The following APOC3 variants were observed in gnomAD, a reference collection of about 807,000 sequenced individuals.
APOC3 encodes apolipoprotein C3, also known as apolipoprotein C-III.
Under a neutral mutation model 7.3 loss-of-function variants are expected in APOC3, and 6 were observed. That is an observed-to-expected ratio of 0.82 (90% CI 0.45 to 1.61). APOC3 has a LOEUF of 1.61. Ranked by LOEUF, APOC3 falls within the 40% of genes most tolerant of loss-of-function variation. APOC3 has a pLI of 0.01. For synonymous variants in APOC3, 45 were observed against 51.2 expected, an observed-to-expected ratio of 0.88 and a Z score of 0.52; for missense variants, 123 against 124.9, an observed-to-expected ratio of 0.98 and a Z score of 0.07.
In APOC3 at chr11:116,832,813, G is replaced by C. The variant is rs754898637; in HGVS notation, c.229G>C (p.Val77Leu). Residue 77 changes from valine (V) to leucine (L), a missense_variant, in exon 4 of 4, where the codon GTT (valine) becomes CTT (leucine). By Grantham distance (32) the Val-to-Leu change is conservative (BLOSUM62 1). Transcript: ENST00000227667. Reference sequence around the variant, plus strand: ...TTCCCTGAAAGACTACTGGAGCACCGTTAAGGACAAGTTCTCTGAGTTCTG... The same window carrying C: ...TTCCCTGAAAGACTACTGGAGCACCCTTAAGGACAAGTTCTCTGAGTTCTG... ...FSSLKDYWST[V>L]KDKFSEFWDL... 6.2e-7 allele frequency: 1 copy of C among 1,614,120 alleles called. No homozygotes were observed. Among genetic ancestry groups the C allele is most frequent in the Non-Finnish European group, 8.5e-7 (1 of 1,180,024 alleles).
intron 3 of APOC3, chr11:116,831,160 T>G: frequency 2.7e-6 from 1 of 368,600 alleles, no homozygotes; most frequent in South Asian, 8.1e-5. Flanking sequence ...ATTTCCATTT[T>G]CCTTTCCTTT....
intron 2 of APOC3, 43 bp from the exon 3 acceptor site, chr11:116,830,730 T>C: frequency 6.2e-7 from 1 of 1,613,136 alleles, no homozygotes; most frequent in Non-Finnish European, 8.5e-7. Flanking sequence ...CCAGGGCTCG[T>C]CCAGAGGCCG....
chr11:116,831,077 A>T, intron 3 of APOC3, 181 bp downstream of exon 3: 1 of 753,664 alleles, frequency 1.3e-6, no homozygotes, highest in Non-Finnish European at 2.2e-6. Context: ...GAGATGACAG[A>T]GTTGAGACTG....
intron 3 of APOC3, chr11:116,831,241 CTTT>C (rs1435861189): frequency 0.039 from 4,640 of 120,226 alleles, 93 homozygotes; most frequent in East Asian, 0.044. Flanking sequence ...TTCTTTCTTT[CTTT>C]CTTTCTTTCT....
chr11:116,832,190 C>T (rs1941470290), intron 3 of APOC3, among the ~76,000 whole-genome samples: 1 of 152,240 alleles, frequency 6.6e-6, no homozygotes, highest in South Asian at 2.1e-4. Flanking sequence ...CCTTCTCCAC[C>T]TCACCCTGAC....
chr11:116,832,177 C>T (rs1941470229), intron 3 of APOC3, among the ~76,000 whole-genome samples: 1 of 152,246 alleles, frequency 6.6e-6, no homozygotes, highest in South Asian at 2.1e-4. Flanking sequence ...CTCTCCCCTA[C>T]TCCCTTCTCC....
Position 116,830,876 on chromosome 11 carries a change from C to A in APOC3, c.159C>A (p.Ser53=). 6.2e-7 allele frequency: 1 copy of A among 1,612,988 alleles called. No homozygotes were observed. Among genetic ancestry groups the A allele is most frequent in the Non-Finnish European group, 8.5e-7 (1 of 1,179,982 alleles). Residue 53 remains serine, a synonymous_variant, in exon 3 of 4, where the codon TCC becomes TCA. Transcript: ENST00000227667. ...ATGCACTGAGCAGCGTGCAGGAGTC[C>A]CAGGTGGCCCAGCAGGCCAGGTACA... ...AKDALSSVQE[S]QVAQQARGWV...
chr11:116,832,670 T>C, intron 3 of APOC3, 94 bp from the exon 4 acceptor site: 1 of 1,579,514 alleles, frequency 6.3e-7, no homozygotes, highest in South Asian at 1.1e-5. Context: ...TGGTCCTGAC[T>C]GGTGTCGTCC....
At chr11:116,832,011 G>A (rs1339766298) in intron 3 of APOC3, among the ~76,000 whole-genome samples, 1 of 152,186 alleles carries the variant, frequency 6.6e-6, no homozygotes, top group Admixed American at 6.5e-5. Flanking sequence ...TATGACTTGG[G>A]GGTTGGGGAC....
At position 116,833,014 on chromosome 11, in the gene APOC3, C is replaced by T. The variant is rs1258996011; in HGVS notation, c.*130C>T. 2.3e-6 allele frequency: 3 copies of T among 1,310,782 alleles called. No individual in the cohort carries two copies. The highest frequency in any genetic ancestry group is 2.4e-5 in the South Asian group (2 of 82,236). The allele number at this position is 1,310,782 out of a possible 1,614,324, so 81.2% of individuals were successfully genotyped here. ...CAGTGCTCTCCTACCCCACCTCATGCCTGGCCCCCCTCCAGGCATGCTGGC... is the reference window on the plus strand; with the variant it reads ...CAGTGCTCTCCTACCCCACCTCATGTCTGGCCCCCCTCCAGGCATGCTGGC... On this transcript the variant is annotated 3_prime_UTR_variant, in exon 4 of 4. Transcript: ENST00000227667.
In APOC3 at chr11:116,831,535, T is replaced by C. The variant is rs184637772; in HGVS notation, c.179+639T>C. ...ACGCGCCACCACACCCAGCTAATTT[T>C]TGTATTTTTAGCAGAGATGGGGTTT... On this transcript the variant is annotated intron_variant, in intron 3 of 3. Transcript: ENST00000227667. Among the ~76,000 whole-genome samples the C allele has an allele frequency of 9.4e-4, 143 of 152,062 alleles. 1 individual carries two copies. Among genetic ancestry groups the C allele is most frequent in the African/African-American group, 3.3e-3 (135 of 41,462 alleles).
chr11:116,831,283 C>A (rs200501619), intron 3 of APOC3, among the ~76,000 whole-genome samples: 1 of 46,540 alleles, frequency 2.1e-5, no homozygotes, highest in Non-Finnish European at 4.5e-5. Context: ...TTCTTTCTTT[C>A]CTTTCTTTCT....
chr11:116,831,513 C>T (rs12721098), intron 3 of APOC3, among the ~76,000 whole-genome samples: 2,150 of 151,424 alleles, frequency 0.014, 21 homozygotes, highest in African/African-American at 0.028. Flanking sequence ...TACAGGCACG[C>T]GCCACCACAC....
At chr11:116,831,285 T>TTTCTTTCTTTCTTTTC (rs1941455638) in intron 3 of APOC3, among the ~76,000 whole-genome samples, 2 of 66,286 alleles carry the variant, frequency 3.0e-5, no homozygotes, top group African/African-American at 8.1e-5. Context: ...CTTTCTTTCC[T>TTTCTTTCTTTCTTTTC]TTCTTTCTTT....
intron 3 of APOC3, among the ~76,000 whole-genome samples, chr11:116,832,355 C>A (rs1032841743): frequency 6.6e-6 from 1 of 152,216 alleles, no homozygotes; most frequent in African/African-American, 2.4e-5. Flanking sequence ...ATCAATCCTC[C>A]AATGACTTTC....
At chr11:116,832,632 G>A in intron 3 of APOC3, 132 bp from the exon 4 acceptor site, 2 of 1,333,196 alleles carry the variant, frequency 1.5e-6, no homozygotes, top group Non-Finnish European at 2.2e-6. Flanking sequence ...TCTCAGGGCT[G>A]TCGTCCAGTG....
chr11:116,831,750 T>C (rs1025052544), intron 3 of APOC3, among the ~76,000 whole-genome samples: 3 of 152,194 alleles, frequency 2.0e-5, no homozygotes, highest in African/African-American at 7.2e-5. Context: ...GGACAATTTT[T>C]CCATGGGCCA....
chr11:116,830,193 T>C (rs1412194630), intron 1 of APOC3, among the ~76,000 whole-genome samples: 1 of 152,114 alleles, frequency 6.6e-6, no homozygotes, highest in Non-Finnish European at 1.5e-5. Flanking sequence ...CCCCTCATTC[T>C]TCAGGCTTAG....
chr11:116,832,674 G>T lies in APOC3; in HGVS notation c.180-90G>T. 3 of 1,587,422 alleles carry T rather than the reference G, an allele frequency of 1.9e-6. No individual in the cohort carries two copies. The Middle Eastern group carries it at 5.7e-4, about 301-fold the overall frequency. On this transcript the variant is annotated intron_variant, in intron 3 of 3. Coordinates refer to ENST00000227667, the MANE Select transcript of APOC3 (RefSeq NM_000040.3). The stretch of plus-strand genomic sequence containing the variant: ...AGAGGGTGGTGTGGTCCTGACTGGT[G>T]TCGTCCAGTGGGGACATGGGTGTGG...
Sources: gnomAD v4.1 joint callset for allele counts (sites outside exome capture counted in the v4.1 genomes callset) on GRCh38, gnomAD v4.1.1 for gene constraint, MANE v1.5 for transcripts, NCBI Gene and HGNC (gene_info 2026-07-23, HGNC 2026-07-21) for gene names.